Variants in CADPS observed in about 807,000 individuals in gnomAD.
CADPS encodes the protein calcium dependent secretion activator.
In CADPS, 57 loss-of-function variants were observed where a neutral mutation model predicts 167.3. That is an observed-to-expected ratio of 0.34 (90% CI 0.28 to 0.42). CADPS has a LOEUF of 0.42. Ranked by LOEUF, CADPS falls within the 20% of genes least tolerant of loss-of-function variation. The pLI is 1.00. For missense variants in CADPS, 1,414 were observed against 1,738.1 expected, an observed-to-expected ratio of 0.81 and a Z score of 3.32; for synonymous variants, 676 against 635.3, an observed-to-expected ratio of 1.06 and a Z score of -0.96.
intron 1 of CADPS, among the ~76,000 whole-genome samples, chr3:62,808,067 G>A (rs1403508193): frequency 6.6e-6 from 1 of 151,728 alleles, no homozygotes; most frequent in Non-Finnish European, 1.5e-5. Flanking sequence ...TAGAGATGGG[G>A]TTTCACTATG....
intron 22 of CADPS, 22 bp downstream of exon 22, chr3:62,481,701 C>G (rs767872650): frequency 1.3e-6 from 2 of 1,557,910 alleles, no homozygotes; most frequent in Non-Finnish European, 8.6e-7. Flanking sequence ...TAAATGAGAT[C>G]TAATGTGAAC....
At chr3:62,847,254 G>A (rs1254955459) in intron 1 of CADPS, among the ~76,000 whole-genome samples, 1 of 126,266 alleles carries the variant, frequency 7.9e-6, no homozygotes, top group Non-Finnish European at 1.8e-5. Flanking sequence ...AATCCCAGCA[G>A]CATTTTCTTT....
chr3:62,813,355 G>A (rs1373568629), intron 1 of CADPS, among the ~76,000 whole-genome samples: 1 of 152,136 alleles, frequency 6.6e-6, no homozygotes, highest in East Asian at 1.9e-4. Context: ...ACAAAAATAA[G>A]CAATGGGGAA....
intron 21 of CADPS, among the ~76,000 whole-genome samples, chr3:62,483,335 G>A (rs1205593894): frequency 7.5e-6 from 1 of 133,012 alleles, no homozygotes; most frequent in African/African-American, 2.8e-5. Flanking sequence ...GGGGAGTGGG[G>A]GAGTGGGGGA....
At chr3:62,841,068 T>A (rs762314709) in intron 1 of CADPS, among the ~76,000 whole-genome samples, 1 of 152,192 alleles carries the variant, frequency 6.6e-6, no homozygotes, top group Non-Finnish European at 1.5e-5. Context: ...CCATTCCCCA[T>A]TTCCAGGCAG....
At chr3:62,655,448 T>G (rs1239141769) in intron 4 of CADPS, among the ~76,000 whole-genome samples, 1 of 152,208 alleles carries the variant, frequency 6.6e-6, no homozygotes, top group Non-Finnish European at 1.5e-5. Context: ...TGGCCATTTA[T>G]TTTTGTTTTG....
At chr3:62,749,775 G>A (rs2082285377) in intron 3 of CADPS, among the ~76,000 whole-genome samples, 2 of 152,138 alleles carry the variant, frequency 1.3e-5, no homozygotes, top group Admixed American at 6.5e-5. Context: ...TTTGCTACCT[G>A]CCTATGCAGA....
At chr3:62,542,522 G>C (rs759700079) in intron 11 of CADPS, among the ~76,000 whole-genome samples, 2 of 152,080 alleles carry the variant, frequency 1.3e-5, no homozygotes, top group Non-Finnish European at 2.9e-5. Flanking sequence ...AGGGGATGTT[G>C]TGCCCTGCCT....
intron 28 of CADPS, among the ~76,000 whole-genome samples, chr3:62,409,212 T>C (rs566463992): frequency 6.6e-6 from 1 of 152,346 alleles, no homozygotes; most frequent in African/African-American, 2.4e-5. Context: ...TCAAGTTGGT[T>C]ATTTACCACT....
At chr3:62,773,454 G>GA (rs763441037) in intron 1 of CADPS, among the ~76,000 whole-genome samples, 90 of 152,166 alleles carry the variant, frequency 5.9e-4, no homozygotes, top group Middle Eastern at 3.4e-3. Flanking sequence ...GTTGAAGGGG[G>GA]AAAAACATAT....
At chr3:62,586,193 A>C (rs1329855568) in intron 7 of CADPS, among the ~76,000 whole-genome samples, 1 of 152,220 alleles carries the variant, frequency 6.6e-6, no homozygotes, top group East Asian at 1.9e-4. Context: ...ATATAGGCAC[A>C]ACAAAAGCTG....
intron 6 of CADPS, among the ~76,000 whole-genome samples, chr3:62,627,497 T>C (rs1013983969): frequency 2.0e-5 from 3 of 152,134 alleles, no homozygotes; most frequent in African/African-American, 7.2e-5. Context: ...AAATTTCAAA[T>C]GCAGGGATTT....
intron 1 of CADPS, among the ~76,000 whole-genome samples, chr3:62,869,099 A>T (rs972798428): frequency 6.6e-6 from 1 of 152,112 alleles, no homozygotes. Context: ...CTAATCCAAA[A>T]ATCTGAAATC....
chr3:62,677,333 A>C (rs1212381509), intron 3 of CADPS, among the ~76,000 whole-genome samples: 1 of 151,952 alleles, frequency 6.6e-6, no homozygotes, highest in Admixed American at 6.6e-5. Flanking sequence ...AACCAGAAAA[A>C]CCCACAAAGG....
chr3:62,547,871 A>G (rs1335296223), intron 11 of CADPS, among the ~76,000 whole-genome samples: 1 of 152,076 alleles, frequency 6.6e-6, no homozygotes, highest in Non-Finnish European at 1.5e-5. Context: ...TCTTGTCTCT[A>G]ATTTTACTCC....
chr3:62,775,900 C>A (rs973667926), intron 1 of CADPS, among the ~76,000 whole-genome samples: 1 of 152,084 alleles, frequency 6.6e-6, no homozygotes, highest in Admixed American at 6.6e-5. Context: ...GTGAAGTTGG[C>A]CGTTTTTAAG....
chr3:62,622,373 C>A (rs758092332), intron 6 of CADPS, among the ~76,000 whole-genome samples: 1 of 152,074 alleles, frequency 6.6e-6, no homozygotes, highest in Non-Finnish European at 1.5e-5. Flanking sequence ...TTACTTGTTT[C>A]CCAGGCCTTT....
Position 62,467,997 on chromosome 3 carries a change from G to GATTAGAGGAAAAATAATAC in CADPS, c.3478-1603_3478-1585dup, listed in dbSNP as rs1278853594. The stretch of plus-strand genomic sequence containing the variant: ...CATCTCCTCCAGTTTCATTTTAATT[G>GATTAGAGGAAAAATAATAC]ATTAGAGGAAAAATAATACAGCTAA... On this transcript the variant is annotated intron_variant, in intron 24 of 29. Transcript: ENST00000383710. Among the ~76,000 whole-genome samples the GATTAGAGGAAAAATAATAC allele has an allele frequency of 2.0e-5, 3 of 152,104 alleles. No individual in the cohort carries two copies. In the East Asian group the frequency reaches 5.8e-4, roughly 29 times the overall value.
At chr3:62,646,300 G>A (rs1445434125) in intron 5 of CADPS, among the ~76,000 whole-genome samples, 1 of 151,702 alleles carries the variant, frequency 6.6e-6, no homozygotes, top group Non-Finnish European at 1.5e-5. Flanking sequence ...GAGTAGCTGG[G>A]ATTACAGGTG....
Sources: gnomAD v4.1 joint callset for allele counts (sites outside exome capture counted in the v4.1 genomes callset) on GRCh38, gnomAD v4.1.1 for gene constraint, MANE v1.5 for transcripts, NCBI Gene and HGNC (gene_info 2026-07-23, HGNC 2026-07-21) for gene names.